Variants in MIPEP observed in about 807,000 individuals in gnomAD.
MIPEP encodes the protein mitochondrial intermediate peptidase.
MIPEP carries 79 observed loss-of-function variants against 90.3 expected under a neutral mutation model. That is an observed-to-expected ratio of 0.87 (90% confidence interval 0.73 to 1.05). The LOEUF is 1.05. Among genes scored for constraint, MIPEP ranks in the 50% least tolerant of loss-of-function variants. MIPEP has a pLI of 0.00. For missense variants in MIPEP, 940 were observed against 905.6 expected (o/e 1.04, Z -0.49); for synonymous variants, 334 against 315.8 (o/e 1.06, Z -0.61).
intron 16 of MIPEP, among the ~76,000 whole-genome samples, chr13:23,768,546 T>C (rs1302589610): frequency 2.0e-5 from 3 of 152,058 alleles, no homozygotes; most frequent in African/African-American, 4.8e-5. Context: ...TGATAACCCA[T>C]CTCTACCAAA....
At chr13:23,745,952 A>C (rs576457932) in intron 18 of MIPEP, among the ~76,000 whole-genome samples, 1 of 151,562 alleles carries the variant, frequency 6.6e-6, no homozygotes, top group South Asian at 2.1e-4. Context: ...AACAAAACCT[A>C]GAACCAGACG....
At chr13:23,794,257 C>T (rs1952932483) in intron 16 of MIPEP, among the ~76,000 whole-genome samples, 1 of 152,120 alleles carries the variant, frequency 6.6e-6, no homozygotes, top group African/African-American at 2.4e-5. Flanking sequence ...AGAAAGGGAC[C>T]TGAGGAGGAG....
chr13:23,761,290 T>C (rs1213067386), intron 16 of MIPEP, among the ~76,000 whole-genome samples: 1 of 152,194 alleles, frequency 6.6e-6, no homozygotes, highest in Non-Finnish European at 1.5e-5. Context: ...CACCTAATTG[T>C]TTTGTACAAG....
intron 16 of MIPEP, among the ~76,000 whole-genome samples, chr13:23,780,730 T>C (rs1012206839): frequency 2.0e-5 from 3 of 152,158 alleles, no homozygotes; most frequent in Non-Finnish European, 4.4e-5. Flanking sequence ...AATGGCTAAC[T>C]AGAATAACCA....
intron 7 of MIPEP, among the ~76,000 whole-genome samples, chr13:23,867,596 G>A (rs1405265523): frequency 6.6e-6 from 1 of 152,114 alleles, no homozygotes; most frequent in Non-Finnish European, 1.5e-5. Context: ...AACTGCATAA[G>A]GATAGGAATT....
At chr13:23,820,253 T>C (rs1953290495) in intron 14 of MIPEP, among the ~76,000 whole-genome samples, 1 of 152,230 alleles carries the variant, frequency 6.6e-6, no homozygotes, top group Non-Finnish European at 1.5e-5. Flanking sequence ...CTGCCTGTGG[T>C]AGAAGAGCCA....
intron 10 of MIPEP, among the ~76,000 whole-genome samples, chr13:23,854,416 A>G (rs998018976): frequency 2.0e-5 from 3 of 152,096 alleles, no homozygotes; most frequent in Admixed American, 6.5e-5. Flanking sequence ...CTATACTAAC[A>G]AAGCATGAGA....
At position 23,819,942 on chromosome 13, in the gene MIPEP, G is replaced by A. The variant is rs148788168; in HGVS notation, c.1654-10018C>T. Among the ~76,000 whole-genome samples, 603 of 152,108 alleles carry A rather than the reference G, an allele frequency of 4.0e-3. 2 individuals are homozygous for A. The highest frequency in any genetic ancestry group is 0.014 in the African/African-American group (583 of 41,498). On this transcript the variant is annotated intron_variant, in intron 14 of 18. Coordinates refer to ENST00000382172, the MANE Select transcript of MIPEP (RefSeq NM_005932.4). ...GAGAATTGCTTGAACCTAGGAGGCA[G>A]AGGTTGCAGTGAGCTGAGATTGCAT...
chr13:23,803,594 C>A (rs901158830), intron 16 of MIPEP, among the ~76,000 whole-genome samples: 1 of 152,068 alleles, frequency 6.6e-6, no homozygotes, highest in Non-Finnish European at 1.5e-5. Flanking sequence ...GTCACTCAAC[C>A]TATATTTGAG....
At chr13:23,815,478 A>T (rs1213531988) in intron 14 of MIPEP, among the ~76,000 whole-genome samples, 1 of 152,106 alleles carries the variant, frequency 6.6e-6, no homozygotes, top group East Asian at 1.9e-4. Context: ...CACTGTGCCT[A>T]ATTTTTGTAT....
intron 14 of MIPEP, among the ~76,000 whole-genome samples, chr13:23,833,077 T>C (rs575310745): frequency 6.6e-6 from 1 of 152,206 alleles, no homozygotes; most frequent in Non-Finnish European, 1.5e-5. Flanking sequence ...TTTCATAATG[T>C]TAAAAAAATC....
intron 2 of MIPEP, among the ~76,000 whole-genome samples, chr13:23,882,989 T>C (rs1233339914): frequency 6.6e-6 from 1 of 152,082 alleles, no homozygotes; most frequent in Non-Finnish European, 1.5e-5. Flanking sequence ...ATAAAAACTG[T>C]ATTAAAAAAG....
chr13:23,837,244 AC>A (rs1220745349), intron 13 of MIPEP, among the ~76,000 whole-genome samples: 10 of 152,228 alleles, frequency 6.6e-5, no homozygotes, highest in Admixed American at 6.5e-4. Context: ...TTAAGGAGAT[AC>A]GTTTTTATTC....
intron 16 of MIPEP, 45 bp downstream of exon 16, chr13:23,805,905 C>A (rs1220117380): frequency 6.3e-7 from 1 of 1,597,954 alleles, no homozygotes; most frequent in African/African-American, 1.3e-5. Flanking sequence ...GAAGTAATAG[C>A]AGAACCACTC....
intron 14 of MIPEP, among the ~76,000 whole-genome samples, chr13:23,816,688 G>C (rs1248977821): frequency 6.6e-6 from 1 of 152,150 alleles, no homozygotes; most frequent in Non-Finnish European, 1.5e-5. Context: ...TTATTGATTA[G>C]CTTTATCTTG....
At chr13:23,757,641 A>G (rs1172108766) in intron 17 of MIPEP, among the ~76,000 whole-genome samples, 1 of 152,148 alleles carries the variant, frequency 6.6e-6, no homozygotes, top group Admixed American at 6.5e-5. Context: ...ATAACAGTTA[A>G]CGGATCAGCA....
Position 23,730,261 on chromosome 13 carries a change from A to G in MIPEP, c.*87T>C. The G allele has an allele frequency of 2.4e-6, 2 of 817,854 alleles. No individual in the cohort carries two copies. Among genetic ancestry groups the G allele is most frequent in the South Asian group, 1.7e-5 (1 of 58,920 alleles). 50.7% of individuals were successfully genotyped at this position (817,854 alleles called of 1,614,324 possible). ...TCAGAATTACAGAAGCGAACAATGA[A>G]ATCAGAAACAAGCTCTCACAGCTGT... On this transcript the variant is annotated 3_prime_UTR_variant, in exon 19 of 19. Coordinates refer to ENST00000382172, the MANE Select transcript of MIPEP (RefSeq NM_005932.4).
At chr13:23,843,635 A>G (rs1334958772) in intron 10 of MIPEP, among the ~76,000 whole-genome samples, 1 of 152,208 alleles carries the variant, frequency 6.6e-6, no homozygotes, top group Non-Finnish European at 1.5e-5. Context: ...TGTAGGCCAT[A>G]GGGGAGCATC....
chr13:23,760,061 C>G (rs748779733), intron 17 of MIPEP, 35 bp downstream of exon 17: 10 of 1,613,594 alleles, frequency 6.2e-6, no homozygotes. Flanking sequence ...TTACTGTGGT[C>G]CAAGATGGGG....
Sources: allele counts gnomAD v4.1 joint callset (sites outside exome capture counted in the v4.1 genomes callset), GRCh38; gene constraint gnomAD v4.1.1; transcripts MANE v1.5; gene names NCBI Gene and HGNC (gene_info 2026-07-23, HGNC 2026-07-21).